Variants in AP1S3 observed in about 807,000 individuals in gnomAD.
AP1S3 encodes AP-1 complex subunit sigma-3.
AP1S3 carries 10 observed loss-of-function variants against 20.9 expected under a neutral mutation model. The ratio of observed to expected loss-of-function variants is 0.48; its 90% CI spans 0.29 to 0.81. The LOEUF (loss-of-function observed/expected upper bound fraction) is 0.81. Among genes scored for constraint, AP1S3 ranks in the 30% least tolerant of loss-of-function variants. AP1S3 has a pLI of 0.08. For missense variants in AP1S3, 154 were observed against 183.8 expected, an observed-to-expected ratio of 0.84 and a Z score of 0.94; for synonymous variants, 41 against 61.5, an observed-to-expected ratio of 0.67 and a Z score of 1.56.
intron 1 of AP1S3, among the ~76,000 whole-genome samples, chr2:223,828,472 C>T (rs1692185990): frequency 6.6e-6 from 1 of 151,848 alleles, no homozygotes; most frequent in African/African-American, 2.4e-5. Flanking sequence ...AATTTTTTGT[C>T]AAGGCCAACA....
At chr2:223,837,369 G>T (rs553894352) in intron 1 of AP1S3, 79 bp downstream of exon 1, 6 of 733,340 alleles carry the variant, frequency 8.2e-6, no homozygotes, top group East Asian at 4.2e-5. Flanking sequence ...CCGCGCGCCC[G>T]GCCCGGACGC....
chr2:223,777,806 G>C lies in AP1S3; in HGVS notation c.67C>G (p.Leu23Val). The change falls in exon 2 of 5, where the codon CTC (leucine) becomes GTC (valine). Residue 23 changes from leucine (L) to valine (V), a missense_variant. Physicochemically the swap from Leu to Val is conservative, Grantham distance 32. Transcript: ENST00000396654. ...ATCTTCTTCCTCTCTTTATCAGGGA[G>C]AGTGATGTACCATTTCTGTAGCCGT... is the stretch of plus-strand genomic sequence containing the variant. The part of the protein sequence containing the change: ...KLRLQKWYIT[L>V]PDKERKKITR... The C allele has an allele frequency of 6.2e-7, 1 of 1,614,138 alleles. No homozygotes were observed. Among genetic ancestry groups the C allele is most frequent in the Non-Finnish European group, 8.5e-7 (1 of 1,180,004 alleles).
intron 1 of AP1S3, among the ~76,000 whole-genome samples, chr2:223,789,106 G>C (rs1366542822): frequency 6.7e-6 from 1 of 149,808 alleles, no homozygotes; most frequent in Non-Finnish European, 1.5e-5. Flanking sequence ...AATAGCCTGT[G>C]CCAAGAAAGA....
intron 2 of AP1S3, among the ~76,000 whole-genome samples, chr2:223,777,425 T>C (rs1370681043): frequency 6.6e-6 from 1 of 152,152 alleles, no homozygotes; most frequent in Admixed American, 6.6e-5. Flanking sequence ...ATGCCAGGAA[T>C]GTAACAGGTG....
rs930050971 is a variant in AP1S3 at position 223,757,924 on chromosome 2, T to A, written c.*791A>T. The A allele has an allele frequency of 3.1e-6, 3 of 973,632 alleles. No individual in the cohort carries two copies. The highest frequency in any genetic ancestry group is 5.3e-4 in the Middle Eastern group (1 of 1,894). The allele number at this position is 973,632 out of a possible 1,614,324, so 60.3% of individuals were successfully genotyped here. ...CAATAATTATTATTGCTATTAATTC[T>A]TATCATACTATTTTAGAATAATAAA... is the stretch of plus-strand genomic sequence containing the variant. On this transcript the variant is annotated 3_prime_UTR_variant, in exon 5 of 5. Transcript: ENST00000396654.
chr2:223,808,347 C>A (rs746912007), intron 1 of AP1S3, among the ~76,000 whole-genome samples: 17 of 152,246 alleles, frequency 1.1e-4, no homozygotes, highest in African/African-American at 4.1e-4. Context: ...CACTCCTCTG[C>A]GAGGGCCCCT....
chr2:223,804,049 G>C (rs1371910513), intron 1 of AP1S3, among the ~76,000 whole-genome samples: 1 of 152,092 alleles, frequency 6.6e-6, no homozygotes, highest in Admixed American at 6.6e-5. Context: ...ACCCTACCCT[G>C]CATCTCTAAT....
intron 1 of AP1S3, among the ~76,000 whole-genome samples, chr2:223,814,635 C>T (rs1388219631): frequency 6.6e-6 from 1 of 152,184 alleles, no homozygotes; most frequent in East Asian, 1.9e-4. Flanking sequence ...ATTTACAAAA[C>T]ATTCTCATTT....
At position 223,801,698 on chromosome 2, in the gene AP1S3, C is replaced by T. The variant is rs556801391; in HGVS notation, c.4-23829G>A. Among the ~76,000 whole-genome samples, 4 of 152,270 alleles carry T rather than the reference C, an allele frequency of 2.6e-5. No individual in the cohort carries two copies. The East Asian group carries it at 7.8e-4, about 30-fold the overall frequency. ...ACTCCAAGTGGTCTGCCCGCCTCGG[C>T]CTCCCAAAGTGCTGGGATTACAGGC... On this transcript the variant is annotated intron_variant, in intron 1 of 4. Transcript: ENST00000396654.
chr2:223,771,817 T>C (rs564063110), intron 3 of AP1S3, among the ~76,000 whole-genome samples: 1 of 152,238 alleles, frequency 6.6e-6, no homozygotes, highest in Admixed American at 6.5e-5. Flanking sequence ...ATATATAAAA[T>C]AAGAATAGGC....
At chr2:223,815,408 T>C (rs1275272350) in intron 1 of AP1S3, among the ~76,000 whole-genome samples, 8 of 135,278 alleles carry the variant, frequency 5.9e-5, no homozygotes, top group Non-Finnish European at 1.4e-4. Flanking sequence ...GGTTAATTAA[T>C]TCCAGTCAGC....
chr2:223,799,642 A>G (rs889499537), intron 1 of AP1S3, among the ~76,000 whole-genome samples: 1 of 152,228 alleles, frequency 6.6e-6, no homozygotes, highest in Admixed American at 6.5e-5. Context: ...TCAACTTAGC[A>G]AATATTTATT....
intron 1 of AP1S3, among the ~76,000 whole-genome samples, chr2:223,816,524 A>G (rs548479121): frequency 6.6e-6 from 1 of 152,356 alleles, no homozygotes; most frequent in African/African-American, 2.4e-5. Context: ...GATAGCAAGT[A>G]TTCACAGGAG....
chr2:223,818,464 A>G (rs976288912), intron 1 of AP1S3, among the ~76,000 whole-genome samples: 17 of 152,070 alleles, frequency 1.1e-4, no homozygotes, highest in African/African-American at 3.9e-4. Flanking sequence ...ATGTGGAAGG[A>G]AAAGGAGTGT....
At chr2:223,790,597 C>A (rs1691194465) in intron 1 of AP1S3, among the ~76,000 whole-genome samples, 1 of 151,996 alleles carries the variant, frequency 6.6e-6, no homozygotes, top group South Asian at 2.1e-4. Context: ...ATAAGGATGT[C>A]ATTAGTCTAC....
Position 223,777,826 on chromosome 2 carries a change from A to T in AP1S3, c.47T>A (p.Leu16Gln). 2 of 1,614,074 alleles carry T rather than the reference A, an allele frequency of 1.2e-6. No individual in the cohort carries two copies. Among genetic ancestry groups the T allele is most frequent in the Non-Finnish European group, 1.7e-6 (2 of 1,179,992 alleles). ...AGGGAGAGTGATGTACCATTTCTGTAGCCGTAATTTCCCTTGTCGACTGAA... is the reference window on the plus strand; with the variant it reads ...AGGGAGAGTGATGTACCATTTCTGTTGCCGTAATTTCCCTTGTCGACTGAA... ...LLFSRQGKLR[L>Q]QKWYITLPDK... The change falls in exon 2 of 5, where the codon CTA (leucine) becomes CAA (glutamine). Residue 16 changes from leucine to glutamine, a missense_variant. By Grantham distance (113) the Leu-to-Gln change is moderately radical. Transcript: ENST00000396654.
intron 1 of AP1S3, among the ~76,000 whole-genome samples, chr2:223,801,954 T>C (rs1691477111): frequency 6.6e-6 from 1 of 152,212 alleles, no homozygotes; most frequent in South Asian, 2.1e-4. Flanking sequence ...ATAAAATAGG[T>C]AGAAAAAGCT....
At chr2:223,769,349 G>A (rs1189653800) in intron 3 of AP1S3, among the ~76,000 whole-genome samples, 1 of 152,164 alleles carries the variant, frequency 6.6e-6, no homozygotes, top group Non-Finnish European at 1.5e-5. Flanking sequence ...CTAACAGTAG[G>A]AGTGATTACC....
intron 4 of AP1S3, among the ~76,000 whole-genome samples, chr2:223,759,731 G>C (rs919892334): frequency 6.6e-6 from 1 of 152,026 alleles, no homozygotes; most frequent in Non-Finnish European, 1.5e-5. Flanking sequence ...TTAAGCCTAG[G>C]ACCCATGAGT....
Sources: allele counts gnomAD v4.1 joint callset (sites outside exome capture counted in the v4.1 genomes callset), GRCh38; gene constraint gnomAD v4.1.1; transcripts MANE v1.5; gene names NCBI Gene and HGNC (gene_info 2026-07-23, HGNC 2026-07-21).